The following PLCB1 variants were observed in gnomAD, a reference collection of about 807,000 sequenced individuals.
PLCB1 encodes phospholipase C beta 1.
PLCB1 carries 46 observed loss-of-function variants against 161.8 expected under a neutral mutation model. The observed-to-expected ratio is 0.28, with a 90% confidence interval of 0.22 to 0.36. PLCB1 has a LOEUF of 0.36. Among genes scored for constraint, PLCB1 ranks in the 10% least tolerant of loss-of-function variants. The probability of loss-of-function intolerance (pLI) is 1.00; values close to 1 mark genes in which losing one functional copy is unlikely to be tolerated. For synonymous variants in PLCB1, 517 were observed against 503.7 expected (o/e 1.03, Z -0.35); for missense variants, 1,016 against 1,472.5 (o/e 0.69, Z 5.07).
intron 31 of PLCB1, among the ~76,000 whole-genome samples, chr20:8,806,533 C>G (rs1050521988): frequency 2.0e-5 from 3 of 152,066 alleles, no homozygotes; most frequent in Non-Finnish European, 2.9e-5. Context: ...CAACAACAGA[C>G]TCAGTGGGTT....
At chr20:8,502,617 C>T (rs981601262) in intron 3 of PLCB1, among the ~76,000 whole-genome samples, 2 of 152,014 alleles carry the variant, frequency 1.3e-5, no homozygotes, top group African/African-American at 4.8e-5. Flanking sequence ...AGAAAATTTT[C>T]GGTTTGCTGA....
chr20:8,824,140 C>T (rs549516131), intron 31 of PLCB1, among the ~76,000 whole-genome samples: 1 of 152,226 alleles, frequency 6.6e-6, no homozygotes, highest in South Asian at 2.1e-4. Context: ...AACTTAAAAG[C>T]TCAATACCTT....
intron 3 of PLCB1, among the ~76,000 whole-genome samples, chr20:8,492,413 A>G (rs1273301153): frequency 6.6e-6 from 1 of 151,986 alleles, no homozygotes; most frequent in Non-Finnish European, 1.5e-5. Context: ...GGTCTTTTGT[A>G]TGTTTGCATC....
At chr20:8,784,416 A>G (rs1359691099) in intron 27 of PLCB1, among the ~76,000 whole-genome samples, 1 of 152,130 alleles carries the variant, frequency 6.6e-6, no homozygotes. Context: ...TACAGAAATT[A>G]GCTGGGTATG....
At chr20:8,654,856 A>G (rs1989412268) in intron 7 of PLCB1, among the ~76,000 whole-genome samples, 1 of 152,054 alleles carries the variant, frequency 6.6e-6, no homozygotes, top group Non-Finnish European at 1.5e-5. Context: ...ATTAGGGATT[A>G]TCCATAGCTT....
In PLCB1 at chr20:8,632,035, C is replaced by CTTTTT. The variant is rs34028351; in HGVS notation, c.384+3632_384+3636dup. On this transcript the variant is annotated intron_variant, in intron 4 of 31. Transcript: ENST00000338037. ...AGGAGACAAATATGGGTTTTTTTTG[C>CTTTTT]TTTTTTTTTTTTTTTTTTTTTTTTT... Among the ~76,000 whole-genome samples, 273 of 45,946 alleles carry CTTTTT rather than the reference C, an allele frequency of 5.9e-3. 28 individuals carry two copies. The highest frequency in any genetic ancestry group is 0.032 in the East Asian group (41 of 1,294). The allele number at this position is 45,946 out of a possible 152,430, so 30.1% of individuals were successfully genotyped here. A position where few individuals can be genotyped will look rare whatever the true frequency, so the allele number is the denominator to read the frequency against.
rs10565621 is a variant in PLCB1, at chr20:8,798,573, TACACACAC to T, written c.3423+8327_3423+8334del. Among the ~76,000 whole-genome samples the T allele has an allele frequency of 9.8e-4, 148 of 151,194 alleles. 1 individual carries two copies. The highest frequency in any genetic ancestry group is 3.4e-3 in the African/African-American group (138 of 41,184). On this transcript the variant is annotated intron_variant, in intron 31 of 31. Coordinates refer to ENST00000338037, the MANE Select transcript of PLCB1 (RefSeq NM_015192.4). ...TGTCACAGAGTTGAACATACACACA[TACACACAC>T]ACACACACACACACCCCTGGCCCAG...
chr20:8,438,346 A>G (rs1452471277), intron 3 of PLCB1, among the ~76,000 whole-genome samples: 4 of 152,226 alleles, frequency 2.6e-5, no homozygotes, highest in African/African-American at 9.6e-5. Flanking sequence ...TACTTTTTAT[A>G]ACTGTAGAGT....
At chr20:8,644,726 G>C (rs1333062981) in intron 4 of PLCB1, among the ~76,000 whole-genome samples, 1 of 149,028 alleles carries the variant, frequency 6.7e-6, no homozygotes, top group Non-Finnish European at 1.5e-5. Flanking sequence ...CCCCCGCCCT[G>C]CCAGCCGCCC....
intron 14 of PLCB1, among the ~76,000 whole-genome samples, chr20:8,718,859 A>T (rs1427647891): frequency 6.6e-6 from 1 of 152,224 alleles, no homozygotes; most frequent in East Asian, 1.9e-4. Context: ...ATGCATTGTC[A>T]TTGATGATAT....
chr20:8,150,795 A>C (rs1419612705), intron 2 of PLCB1, among the ~76,000 whole-genome samples: 1 of 152,110 alleles, frequency 6.6e-6, no homozygotes, highest in Non-Finnish European at 1.5e-5. Flanking sequence ...CTGTTCATTA[A>C]GGACTCTCTC....
intron 2 of PLCB1, among the ~76,000 whole-genome samples, chr20:8,241,379 TTTCTCTC>T (rs1470037379): frequency 1.3e-5 from 2 of 151,936 alleles, no homozygotes; most frequent in African/African-American, 4.8e-5. Context: ...TTGGGTCCTC[TTTCTCTC>T]TTCACATGGA....
chr20:8,675,518 C>T (rs551530509), intron 9 of PLCB1, among the ~76,000 whole-genome samples: 38 of 152,176 alleles, frequency 2.5e-4, no homozygotes, highest in Non-Finnish European at 5.0e-4. Flanking sequence ...ACCTTCTGCT[C>T]TTCCCATCTG....
intron 7 of PLCB1, among the ~76,000 whole-genome samples, chr20:8,655,506 C>A (rs932893738): frequency 6.6e-6 from 1 of 152,090 alleles, no homozygotes; most frequent in African/African-American, 2.4e-5. Flanking sequence ...GTGTGCACAA[C>A]TGGAAGACAA....
intron 2 of PLCB1, among the ~76,000 whole-genome samples, chr20:8,250,967 A>G (rs1568605534): frequency 6.6e-6 from 1 of 152,008 alleles, no homozygotes; most frequent in Admixed American, 6.6e-5. Flanking sequence ...TCAGACTGCT[A>G]TTACAACAAT....
chr20:8,315,153 C>T (rs1568628556), intron 2 of PLCB1, among the ~76,000 whole-genome samples: 1 of 152,146 alleles, frequency 6.6e-6, no homozygotes, highest in Non-Finnish European at 1.5e-5. Context: ...TTCTTCCATC[C>T]TTGGACTAAG....
intron 2 of PLCB1, among the ~76,000 whole-genome samples, chr20:8,298,294 C>CAA (rs11474417): frequency 0.045 from 5,115 of 112,970 alleles, 240 homozygotes; most frequent in Admixed American, 0.12. Context: ...GACTATGTCT[C>CAA]AAAAAAAAAA....
At chr20:8,308,225 T>C (rs561826062) in intron 2 of PLCB1, among the ~76,000 whole-genome samples, 1 of 152,142 alleles carries the variant, frequency 6.6e-6, no homozygotes, top group Non-Finnish European at 1.5e-5. Context: ...ATTTATTATT[T>C]AATAAACACA....
At chr20:8,803,816 A>G (rs892342876) in intron 31 of PLCB1, among the ~76,000 whole-genome samples, 2 of 150,900 alleles carry the variant, frequency 1.3e-5, no homozygotes, top group Non-Finnish European at 2.9e-5. Flanking sequence ...TTTTTGAGAC[A>G]TTGTTTCGCT....
Sources: gnomAD v4.1 joint callset for allele counts (sites outside exome capture counted in the v4.1 genomes callset) on GRCh38, gnomAD v4.1.1 for gene constraint, MANE v1.5 for transcripts, NCBI Gene and HGNC (gene_info 2026-07-23, HGNC 2026-07-21) for gene names.